UGT2B4: variants seen among roughly 807,000 people sequenced by gnomAD.
The protein encoded by UGT2B4 is UDP glucuronosyltransferase family 2 member B4, also known as UDP-glucuronosyltransferase 2B4.
UGT2B4 carries 49 observed loss-of-function variants against 49.8 expected under a neutral mutation model. The ratio of observed to expected loss-of-function variants is 0.98; its 90% CI spans 0.78 to 1.25. The LOEUF (loss-of-function observed/expected upper bound fraction) is 1.25. Ranked by LOEUF, UGT2B4 falls within the 50% of genes most tolerant of loss-of-function variation. The pLI, the probability that UGT2B4 is intolerant of heterozygous loss-of-function variation, is 0.00. For missense variants in UGT2B4, 729 were observed against 627.7 expected (o/e 1.16, Z -1.73); for synonymous variants, 246 against 217.7 (o/e 1.13, Z -1.14).
At chr4:69,519,954 G>A (rs1321034568) in intron 1 of UGT2B4, among the ~76,000 whole-genome samples, 4 of 152,064 alleles carry the variant, frequency 2.6e-5, no homozygotes, top group Middle Eastern at 3.2e-3. Flanking sequence ...AAAGTGTAAG[G>A]TCTACTAAAA....
chr4:69,520,147 A>G (rs907223873), intron 1 of UGT2B4, among the ~76,000 whole-genome samples: 3 of 152,242 alleles, frequency 2.0e-5, no homozygotes, highest in African/African-American at 7.2e-5. Flanking sequence ...TATATCACAT[A>G]TATTTTTCAC....
intron 1 of UGT2B4, among the ~76,000 whole-genome samples, chr4:69,520,421 G>A (rs1007672473): frequency 1.5e-4 from 23 of 152,236 alleles, no homozygotes; most frequent in African/African-American, 5.5e-4. Context: ...TGAGTTGGCA[G>A]GGTGGTAGCA....
In UGT2B4 at chr4:69,485,283, G is replaced by T. The variant is rs773051968; in HGVS notation, c.1235C>A (p.Ala412Asp). ...NIAHMKAKGA[A>D]VSLDFHTMSS... The stretch of plus-strand genomic sequence containing the variant: ...CATTGTGTGGAAGTCCAAACTAACA[G>T]CTGCTCCCTTGGCCTTCATGTGTGC... The change falls in exon 5 of 6, where the codon GCT becomes GAT. Residue 412 changes from alanine (A) to aspartate (D), a missense_variant. Physicochemically the swap from Ala to Asp is moderately radical, Grantham distance 126. Coordinates refer to ENST00000305107, the MANE Select transcript of UGT2B4 (RefSeq NM_021139.3). The T allele has an allele frequency of 1.9e-6, 3 of 1,614,012 alleles. No homozygotes were observed. Among genetic ancestry groups the T allele is most frequent in the Non-Finnish European group, 2.5e-6 (3 of 1,179,948 alleles).
chr4:69,483,914 A>G (rs535657410), intron 5 of UGT2B4, among the ~76,000 whole-genome samples: 1 of 152,338 alleles, frequency 6.6e-6, no homozygotes, highest in East Asian at 1.9e-4. Flanking sequence ...CTCATATGGG[A>G]TTGTATCCAT....
chr4:69,482,118 C>T (rs556241347), intron 5 of UGT2B4, among the ~76,000 whole-genome samples: 14 of 152,068 alleles, frequency 9.2e-5, no homozygotes, highest in South Asian at 8.3e-4. Context: ...TTACACATTG[C>T]GTCCCCTCTA....
At chr4:69,496,099 C>T (rs1391952105), upstream of UGT2B4, 2 of 376,658 alleles carry the variant, frequency 5.3e-6, no homozygotes, top group Non-Finnish European at 8.7e-6. Flanking sequence ...GAGCTCACTG[C>T]AAGCTCCTCC....
upstream of UGT2B4, among the ~76,000 whole-genome samples, chr4:69,499,548 G>C (rs1464588030): frequency 6.6e-6 from 1 of 152,184 alleles, no homozygotes; most frequent in African/African-American, 2.4e-5. Flanking sequence ...GGGTGCTTCT[G>C]TATTGGGTGC....
At chr4:69,499,282 T>C (rs1007185891), upstream of UGT2B4, among the ~76,000 whole-genome samples, 2 of 152,154 alleles carry the variant, frequency 1.3e-5, no homozygotes, top group African/African-American at 4.8e-5. Context: ...TTACTTCCAT[T>C]TCTGTGATTG....
At chr4:69,493,471 C>G (rs1192972697) in intron 2 of UGT2B4, among the ~76,000 whole-genome samples, 1 of 151,972 alleles carries the variant, frequency 6.6e-6, no homozygotes, top group Non-Finnish European at 1.5e-5. Context: ...TTTAATTTAC[C>G]AACCCTATTT....
chr4:69,496,665 T>A (rs1383296962), upstream of UGT2B4, among the ~76,000 whole-genome samples: 1 of 152,202 alleles, frequency 6.6e-6, no homozygotes, highest in East Asian at 1.9e-4. Flanking sequence ...TTTAGCCTTT[T>A]ACTCCCTACC....
upstream of UGT2B4, among the ~76,000 whole-genome samples, chr4:69,498,901 T>C (rs544208114): frequency 5.3e-4 from 81 of 152,322 alleles, no homozygotes; most frequent in African/African-American, 1.9e-3. Flanking sequence ...TCTTGTCTTC[T>C]GCTAGCTTTG....
chr4:69,485,481 C>A, intron 4 of UGT2B4, 54 bp from the exon 5 acceptor site: 2 of 1,599,816 alleles, frequency 1.3e-6, no homozygotes, highest in Non-Finnish European at 1.7e-6. Flanking sequence ...ATGAGAAATG[C>A]ACAATGGAAG....
Position 69,489,564 on chromosome 4 carries a change from C to G in UGT2B4, c.877G>C (p.Glu293Gln), listed in dbSNP as rs746903839. 1.9e-6 allele frequency: 3 copies of G among 1,603,990 alleles called. No homozygotes were observed. The highest frequency in any genetic ancestry group is 2.6e-6 in the Non-Finnish European group (3 of 1,176,440). ...TCTCCAGAGCTCTGGACAAACTCTT[C>G]CATTTCCTGTGAAAAAAAAGAATTT... is the stretch of plus-strand genomic sequence containing the variant. ...KPAKPLPKEM[E>Q]EFVQSSGENG... The change falls in exon 3 of 6, where the codon GAA (glutamate) becomes CAA (glutamine). Residue 293 changes from glutamate (E) to glutamine (Q), a missense_variant. By Grantham distance (29) the Glu-to-Gln change is conservative (BLOSUM62 2). Transcript: ENST00000305107.
chr4:69,484,783 A>C, intron 5 of UGT2B4, among the ~76,000 whole-genome samples: 1 of 152,176 alleles, frequency 6.6e-6, no homozygotes, highest in East Asian at 1.9e-4. Context: ...TATGGAAATT[A>C]AATTTAATTA....
chr4:69,517,684 A>G (rs753182886), intron 1 of UGT2B4: 3 of 155,256 alleles, frequency 1.9e-5, no homozygotes, highest in African/African-American at 4.8e-5. Context: ...TTTCCTGAAA[A>G]ACTGTCCCAA....
At chr4:69,489,278 C>T (rs981447443) in intron 3 of UGT2B4, among the ~76,000 whole-genome samples, 161 bp downstream of exon 3, 2 of 152,092 alleles carry the variant, frequency 1.3e-5, no homozygotes, top group Non-Finnish European at 2.9e-5. Flanking sequence ...ATGAGTTTAT[C>T]ATCTTCCATA....
At chr4:69,507,343 G>T (rs960085382) in intron 1 of UGT2B4, among the ~76,000 whole-genome samples, 2 of 152,206 alleles carry the variant, frequency 1.3e-5, no homozygotes, top group South Asian at 4.1e-4. Context: ...CGGGCCAAAA[G>T]CTTTTTAAGG....
chr4:69,480,982 C>A, intron 5 of UGT2B4, 72 bp from the exon 6 acceptor site: 1 of 1,537,004 alleles, frequency 6.5e-7, no homozygotes, highest in South Asian at 1.2e-5. Flanking sequence ...CTCACACCTG[C>A]AATCCCAGCA....
At chr4:69,525,293 T>A (rs1324248554) in intron 1 of UGT2B4, among the ~76,000 whole-genome samples, 3 of 152,136 alleles carry the variant, frequency 2.0e-5, no homozygotes, top group African/African-American at 7.2e-5. Flanking sequence ...GGCTGGGGCT[T>A]GTCTTGATAA....
Sources: allele counts gnomAD v4.1 joint callset (sites outside exome capture counted in the v4.1 genomes callset), GRCh38; gene constraint gnomAD v4.1.1; transcripts MANE v1.5; gene names NCBI Gene and HGNC (gene_info 2026-07-23, HGNC 2026-07-21).